STX8: variants seen among roughly 807,000 people sequenced by gnomAD.
STX8 encodes the protein syntaxin-8.
A neutral mutation model predicts 37.5 loss-of-function variants in STX8; 23 were observed. That is an observed-to-expected ratio of 0.61 (90% CI 0.44 to 0.87). STX8 has a LOEUF of 0.87. Ranked by LOEUF, STX8 falls within the 40% of genes least tolerant of loss-of-function variation. STX8 has a pLI of 0.00. For missense variants in STX8, 313 were observed against 284.7 expected, an observed-to-expected ratio of 1.10 and a Z score of -0.71; for synonymous variants, 115 against 99.1, an observed-to-expected ratio of 1.16 and a Z score of -0.95.
chr17:9,342,243 C>A (rs527726083), intron 7 of STX8, among the ~76,000 whole-genome samples: 3 of 152,124 alleles, frequency 2.0e-5, no homozygotes, highest in Non-Finnish European at 4.4e-5. Context: ...GCTCAACCAC[C>A]GCTCACCTGC....
intron 4 of STX8, among the ~76,000 whole-genome samples, chr17:9,520,509 G>C (rs1422307929): frequency 2.6e-5 from 4 of 152,172 alleles, no homozygotes; most frequent in Admixed American, 6.5e-5. Flanking sequence ...ATTATTTCAA[G>C]ATGAAACTTT....
intron 4 of STX8, among the ~76,000 whole-genome samples, chr17:9,539,501 TGTG>T: frequency 6.6e-6 from 1 of 152,346 alleles, no homozygotes; most frequent in Admixed American, 6.5e-5. Flanking sequence ...GTAAATGTGT[TGTG>T]GTCATGGTCT....
At chr17:9,503,545 T>A (rs1352317952) in intron 5 of STX8, among the ~76,000 whole-genome samples, 14 of 152,314 alleles carry the variant, frequency 9.2e-5, no homozygotes, top group Admixed American at 7.8e-4. Flanking sequence ...TTTTATTCAT[T>A]AATTTTTTTA....
At chr17:9,459,110 G>A (rs368988676) in intron 6 of STX8, among the ~76,000 whole-genome samples, 246 of 152,242 alleles carry the variant, frequency 1.6e-3, no homozygotes, top group African/African-American at 5.6e-3. Flanking sequence ...CGAATTACAG[G>A]CGTGAGCCAC....
intron 5 of STX8, among the ~76,000 whole-genome samples, chr17:9,499,628 G>A (rs1904538316): frequency 6.6e-6 from 1 of 152,152 alleles, no homozygotes; most frequent in East Asian, 1.9e-4. Flanking sequence ...TCGATCTCTT[G>A]ACCTTGTGAT....
Position 9,532,252 on chromosome 17 carries a change from G to C in STX8, c.323+12920C>G, listed in dbSNP as rs1597727482. On this transcript the variant is annotated intron_variant, in intron 4 of 7. Coordinates refer to ENST00000306357, the MANE Select transcript of STX8 (RefSeq NM_004853.3). ...AGAACATACATAACCTAAAAACTTC[G>C]AATAGCTACTCTGTCAAGTTCGAAG... Among the ~76,000 whole-genome samples, 3 of 151,926 alleles carry C rather than the reference G, an allele frequency of 2.0e-5. No homozygotes were observed. In the South Asian group the frequency reaches 6.2e-4, roughly 32 times the overall value.
intron 6 of STX8, among the ~76,000 whole-genome samples, chr17:9,424,202 C>A (rs568398484): frequency 6.6e-6 from 1 of 152,166 alleles, no homozygotes; most frequent in Admixed American, 6.5e-5. Flanking sequence ...CAGTCCTGAG[C>A]CCTGACAAGA....
intron 6 of STX8, among the ~76,000 whole-genome samples, chr17:9,400,409 ATTTT>A (rs1304977741): frequency 6.2e-5 from 7 of 112,958 alleles, no homozygotes; most frequent in South Asian, 3.3e-4. Context: ...TTATTTATTT[ATTTT>A]TTTTTTTTTG....
At chr17:9,520,994 T>A (rs1334974614) in intron 4 of STX8, among the ~76,000 whole-genome samples, 3 of 152,226 alleles carry the variant, frequency 2.0e-5, no homozygotes, top group Non-Finnish European at 4.4e-5. Context: ...GCTTCGTAAC[T>A]AGACTTGCCT....
chr17:9,533,072 C>T (rs1019098414), intron 4 of STX8, among the ~76,000 whole-genome samples: 1 of 152,216 alleles, frequency 6.6e-6, no homozygotes, highest in Non-Finnish European at 1.5e-5. Flanking sequence ...GAAGCTACTA[C>T]TTCTCAAAAT....
chr17:9,479,143 T>G (rs1906212912), intron 6 of STX8, among the ~76,000 whole-genome samples: 1 of 152,148 alleles, frequency 6.6e-6, no homozygotes, highest in African/African-American at 2.4e-5. Flanking sequence ...CTTGCCAATA[T>G]GGCTATTTCT....
At chr17:9,337,032 G>C (rs1910160471) in intron 7 of STX8, among the ~76,000 whole-genome samples, 1 of 152,124 alleles carries the variant, frequency 6.6e-6, no homozygotes. Context: ...CAATAAAAGG[G>C]AACTGAGAGC....
rs567821440 is a variant in STX8, at chr17:9,422,105, G to GTTT, written c.542-43455_542-43453dup. ...ATAATTTACCCAGTCTCGGGTAGTA[G>GTTT]TTTTTTTTTTTTTTTTGAGACAGAG... On this transcript the variant is annotated intron_variant, in intron 6 of 7. Coordinates refer to ENST00000306357, the MANE Select transcript of STX8 (RefSeq NM_004853.3). Among the ~76,000 whole-genome samples the GTTT allele has an allele frequency of 6.6e-3, 917 of 139,678 alleles. 11 individuals carry two copies. Among genetic ancestry groups the GTTT allele is most frequent in the African/African-American group, 0.024 (893 of 37,916 alleles). 91.6% of individuals were successfully genotyped at this position (139,678 alleles called of 152,430 possible).
intron 1 of STX8, among the ~76,000 whole-genome samples, chr17:9,570,412 T>C (rs1389557882): frequency 2.0e-5 from 3 of 152,012 alleles, no homozygotes; most frequent in Non-Finnish European, 4.4e-5. Flanking sequence ...GTATATATCA[T>C]ATATATATCA....
intron 4 of STX8, among the ~76,000 whole-genome samples, chr17:9,543,209 A>C (rs1483974994): frequency 6.6e-6 from 1 of 152,090 alleles, no homozygotes; most frequent in Non-Finnish European, 1.5e-5. Flanking sequence ...TCCATGAAAC[A>C]AGCTCCCCGT....
At chr17:9,416,645 A>C (rs1158801917) in intron 6 of STX8, among the ~76,000 whole-genome samples, 1 of 151,470 alleles carries the variant, frequency 6.6e-6, no homozygotes, top group Admixed American at 6.6e-5. Flanking sequence ...GGGATTACAG[A>C]TGTGAGCCAC....
chr17:9,551,528 T>C (rs1567607391), intron 3 of STX8, among the ~76,000 whole-genome samples: 1 of 152,132 alleles, frequency 6.6e-6, no homozygotes, highest in Non-Finnish European at 1.5e-5. Flanking sequence ...TACACAACAA[T>C]CCTTTACGCC....
intron 6 of STX8, among the ~76,000 whole-genome samples, chr17:9,385,327 CAAGAG>C (rs1376874629): frequency 1.3e-5 from 2 of 152,088 alleles, no homozygotes; most frequent in Non-Finnish European, 1.5e-5. Flanking sequence ...CATTCTCTAT[CAAGAG>C]AAATTTTCTG....
intron 7 of STX8, among the ~76,000 whole-genome samples, chr17:9,285,468 C>T (rs1908040715): frequency 6.6e-6 from 1 of 152,004 alleles, no homozygotes; most frequent in Admixed American, 6.5e-5. Flanking sequence ...TACCTGAGGC[C>T]CTGGACTGCT....
Sources: gnomAD v4.1 joint callset for allele counts (sites outside exome capture counted in the v4.1 genomes callset) on GRCh38, gnomAD v4.1.1 for gene constraint, MANE v1.5 for transcripts, NCBI Gene and HGNC (gene_info 2026-07-23, HGNC 2026-07-21) for gene names.